Variants in SLC14A2 observed in about 807,000 individuals in gnomAD.
The protein encoded by SLC14A2 is urea transporter 2.
Under a neutral mutation model 104.6 loss-of-function variants are expected in SLC14A2, and 91 were observed. The observed-to-expected ratio is 0.87, with a 90% confidence interval of 0.73 to 1.04. The LOEUF (loss-of-function observed/expected upper bound fraction) is 1.04, where lower values mean the gene tolerates loss of function less well. Among genes scored for constraint, SLC14A2 ranks in the 50% least tolerant of loss-of-function variants. The probability of loss-of-function intolerance (pLI) is 0.00; values close to 1 mark genes in which losing one functional copy is unlikely to be tolerated. For synonymous variants in SLC14A2, 476 were observed against 466.4 expected (o/e 1.02, Z -0.27); for missense variants, 1,189 against 1,156.0 (o/e 1.03, Z -0.41).
At chr18:45,500,593 A>AG (rs56801556) in intron 2 of SLC14A2, among the ~76,000 whole-genome samples, 30,625 of 145,316 alleles carry the variant, frequency 0.21, 4,250 homozygotes, top group African/African-American at 0.37. Flanking sequence ...AAAAAAAAAA[A>AG]AAAGAAATCC....
intron 2 of SLC14A2, among the ~76,000 whole-genome samples, chr18:45,485,980 A>G (rs1721834024): frequency 6.6e-6 from 1 of 151,754 alleles, no homozygotes; most frequent in Non-Finnish European, 1.5e-5. Flanking sequence ...TCATCTGTCA[A>G]ATCAAGTGGA....
intron 1 of SLC14A2, among the ~76,000 whole-genome samples, chr18:45,247,796 A>T (rs2084381912): frequency 6.6e-6 from 1 of 151,430 alleles, no homozygotes; most frequent in South Asian, 2.1e-4. Context: ...CTGTGATACG[A>T]GGCACTGGAG....
At chr18:45,656,700 T>C (rs2045843270) in intron 10 of SLC14A2, among the ~76,000 whole-genome samples, 1 of 152,174 alleles carries the variant, frequency 6.6e-6, no homozygotes, top group South Asian at 2.1e-4. Context: ...TTTAACCTCA[T>C]TTATGAGGCT....
intron 1 of SLC14A2, among the ~76,000 whole-genome samples, chr18:45,399,429 G>C (rs925627573): frequency 6.6e-6 from 1 of 152,164 alleles, no homozygotes; most frequent in Non-Finnish European, 1.5e-5. Flanking sequence ...GGCAGGGTTT[G>C]AGTTTGTCTC....
chr18:45,397,176 A>T (rs897887416), intron 1 of SLC14A2, among the ~76,000 whole-genome samples: 1 of 152,144 alleles, frequency 6.6e-6, no homozygotes, highest in South Asian at 2.1e-4. Context: ...TCTGATATAT[A>T]CCCAGTAGTG....
intron 2 of SLC14A2, among the ~76,000 whole-genome samples, chr18:45,589,716 C>A (rs1454883005): frequency 6.6e-6 from 1 of 152,130 alleles, no homozygotes; most frequent in African/African-American, 2.4e-5. Flanking sequence ...ATCATGAAAA[C>A]CCTATTAAAT....
intron 2 of SLC14A2, among the ~76,000 whole-genome samples, chr18:45,522,006 GGAGTCAGCA>G (rs2043524295): frequency 6.6e-6 from 1 of 152,174 alleles, no homozygotes; most frequent in African/African-American, 2.4e-5. Context: ...TGCTGGACTG[GGAGTCAGCA>G]GACTCATGTT....
intron 2 of SLC14A2, among the ~76,000 whole-genome samples, chr18:45,578,239 A>G (rs757181392): frequency 2.0e-5 from 3 of 152,242 alleles, no homozygotes; most frequent in African/African-American, 7.2e-5. Flanking sequence ...TTTAGGGCCT[A>G]GACCTTCTAC....
At chr18:45,675,960 C>A (rs542824978) in intron 18 of SLC14A2, among the ~76,000 whole-genome samples, 1 of 151,840 alleles carries the variant, frequency 6.6e-6, no homozygotes, top group South Asian at 2.1e-4. Flanking sequence ...GACAGAACAG[C>A]CCCACTGGAA....
chr18:45,340,325 G>A (rs932429274), intron 1 of SLC14A2, among the ~76,000 whole-genome samples: 5 of 152,218 alleles, frequency 3.3e-5, no homozygotes, highest in Non-Finnish European at 7.3e-5. Flanking sequence ...TGTGCTGATG[G>A]AGGGCTTTTC....
intron 1 of SLC14A2, among the ~76,000 whole-genome samples, chr18:45,328,751 G>C (rs1484758415): frequency 6.6e-6 from 1 of 152,188 alleles, no homozygotes; most frequent in Non-Finnish European, 1.5e-5. Flanking sequence ...AGCACTGGAG[G>C]AGGAGCCAAT....
upstream of SLC14A2, among the ~76,000 whole-genome samples, chr18:45,209,816 A>G (rs927971476): frequency 6.7e-4 from 102 of 152,220 alleles, no homozygotes; most frequent in African/African-American, 2.3e-3. Flanking sequence ...TTATTGAGGC[A>G]ATAATTAATT....
intron 1 of SLC14A2, among the ~76,000 whole-genome samples, chr18:45,391,442 G>C (rs1483873561): frequency 2.0e-5 from 3 of 152,192 alleles, no homozygotes; most frequent in African/African-American, 4.8e-5. Context: ...TATATACCCA[G>C]TAATGGGATG....
At chr18:45,603,914 CTA>C (rs2144419371) in intron 2 of SLC14A2, among the ~76,000 whole-genome samples, 1 of 152,322 alleles carries the variant, frequency 6.6e-6, no homozygotes, top group East Asian at 1.9e-4. Flanking sequence ...TTTAACAAAA[CTA>C]TGTATTTGAA....
chr18:45,309,246 A>G (rs2085054021), intron 1 of SLC14A2, among the ~76,000 whole-genome samples: 1 of 151,860 alleles, frequency 6.6e-6, no homozygotes, highest in African/African-American at 2.4e-5. Flanking sequence ...AGGGTTTTTC[A>G]TTTCTTGTCC....
intron 2 of SLC14A2, among the ~76,000 whole-genome samples, chr18:45,573,314 T>G (rs550655394): frequency 1.3e-5 from 2 of 152,208 alleles, no homozygotes; most frequent in African/African-American, 4.8e-5. Flanking sequence ...AATATAAGCT[T>G]CTTTCTTGAA....
chr18:45,470,405 A>T (rs1036123506), intron 1 of SLC14A2, among the ~76,000 whole-genome samples: 1 of 152,122 alleles, frequency 6.6e-6, no homozygotes, highest in African/African-American at 2.4e-5. Flanking sequence ...TAAATGGAGA[A>T]TCTATTTATT....
At chr18:45,259,417 GC>G (rs1337147363) in intron 1 of SLC14A2, among the ~76,000 whole-genome samples, 4 of 152,166 alleles carry the variant, frequency 2.6e-5, no homozygotes, top group Non-Finnish European at 5.9e-5. Flanking sequence ...TTTGCAGTGT[GC>G]CCCAAATCTA....
intron 2 of SLC14A2, among the ~76,000 whole-genome samples, chr18:45,489,133 C>A (rs1299888104): frequency 6.6e-6 from 1 of 152,150 alleles, no homozygotes; most frequent in Non-Finnish European, 1.5e-5. Context: ...TCTGTAAGTC[C>A]TTTCTGCATG....
Sources: gnomAD v4.1 joint callset for allele counts (sites outside exome capture counted in the v4.1 genomes callset) on GRCh38, gnomAD v4.1.1 for gene constraint, MANE v1.5 for transcripts, NCBI Gene and HGNC (gene_info 2026-07-23, HGNC 2026-07-21) for gene names.